Variants in ABCB4 observed in about 807,000 individuals in gnomAD.
ABCB4 encodes phosphatidylcholine translocator ABCB4.
Under a neutral mutation model 145.7 loss-of-function variants are expected in ABCB4, and 76 were observed. That is an observed-to-expected ratio of 0.52 (90% CI 0.43 to 0.63). The LOEUF (loss-of-function observed/expected upper bound fraction) is 0.63. ABCB4 is among the 30% of genes least tolerant of loss of function. The pLI is 0.00. For missense variants in ABCB4, 1,234 were observed against 1,553.1 expected (o/e 0.79, Z 3.45); for synonymous variants, 517 against 566.8 (o/e 0.91, Z 1.25).
chr7:87,458,195 G>C (rs1812223075), intron 4 of ABCB4, among the ~76,000 whole-genome samples: 1 of 152,128 alleles, frequency 6.6e-6, no homozygotes, highest in African/African-American at 2.4e-5. Flanking sequence ...GACTATTATA[G>C]TCACAGAGAC....
At chr7:87,453,437 G>A (rs763250414) in intron 5 of ABCB4, among the ~76,000 whole-genome samples, 8 of 152,040 alleles carry the variant, frequency 5.3e-5, no homozygotes, top group Admixed American at 2.0e-4. Context: ...GCTCACCTCC[G>A]CCTCCCAAAG....
chr7:87,439,728 T>G lies in ABCB4; in HGVS notation c.1670A>C (p.Asp557Ala). Residue 557 changes from aspartate (D) to alanine (A), a missense_variant, in exon 14 of 28, where the codon GAT becomes GCT. By Grantham distance (126) the Asp-to-Ala change is moderately radical. Transcript: ENST00000649586. ...LVRNPKILLL[D>A]EATSALDTES... The stretch of plus-strand genomic sequence containing the variant: ...TGTGTCCAATGCTGACGTGGCCTCA[T>G]CCAGCAGAAGGATCTTGGGGTTGCG... The G allele has an allele frequency of 6.2e-7, 1 of 1,614,148 alleles. No individual in the cohort carries two copies. The highest frequency in any genetic ancestry group is 8.5e-7 in the Non-Finnish European group (1 of 1,180,022).
In ABCB4 at chr7:87,403,129, A is replaced by G; in HGVS notation, c.3633+6T>C. On this transcript the variant is annotated splice_donor_region_variant and intron_variant, in intron 27 of 27. Coordinates refer to ENST00000649586, the MANE Select transcript of ABCB4 (RefSeq NM_000443.4). ...AATAAGACATAAGTTGGGAGGCCAC[A>G]CACACCTTTTCACTTTCAGTATCCA... 1.2e-6 allele frequency: 2 copies of G among 1,614,044 alleles called. No individual in the cohort carries two copies. The highest frequency in any genetic ancestry group is 1.7e-6 in the Non-Finnish European group (2 of 1,179,902).
intron 15 of ABCB4, among the ~76,000 whole-genome samples, chr7:87,428,879 G>C (rs1286889296): frequency 1.3e-5 from 2 of 152,160 alleles, no homozygotes; most frequent in Non-Finnish European, 2.9e-5. Context: ...GGCTTATGAT[G>C]ACTTTCAAGT....
chr7:87,398,907 C>T (rs1807650208), downstream of ABCB4: 5 of 348,440 alleles, frequency 1.4e-5, no homozygotes, highest in South Asian at 2.2e-4. Flanking sequence ...AGTATTTAAG[C>T]CTCAACAATC....
Position 87,432,552 on chromosome 7 carries a change from T to A in ABCB4, c.1732-987A>T, listed in dbSNP as rs189699825. Among the ~76,000 whole-genome samples, 10 of 152,334 alleles carry A rather than the reference T, an allele frequency of 6.6e-5. No homozygotes were observed. The East Asian group carries it at 1.9e-3, about 29-fold the overall frequency. On this transcript the variant is annotated intron_variant, in intron 14 of 27. Coordinates refer to ENST00000649586, the MANE Select transcript of ABCB4 (RefSeq NM_000443.4). ...AATATTGTTAGGCCATAAAATAGAATGCATTTTGATTCACATCACAACATA... is the reference window on the plus strand; with the variant it reads ...AATATTGTTAGGCCATAAAATAGAAAGCATTTTGATTCACATCACAACATA...
the ABCB4 span, among the ~76,000 whole-genome samples, chr7:87,395,124 C>T: frequency 6.6e-6 from 1 of 152,152 alleles, no homozygotes; most frequent in Non-Finnish European, 1.5e-5. Context: ...CAAGGTCCCA[C>T]AATAGGCCAG....
intron 3 of ABCB4, among the ~76,000 whole-genome samples, chr7:87,463,825 C>G (rs1327450563): frequency 6.6e-6 from 1 of 152,152 alleles, no homozygotes; most frequent in Non-Finnish European, 1.5e-5. Context: ...AAGAACTAAC[C>G]AGCAGTTCAG....
intron 12 of ABCB4, among the ~76,000 whole-genome samples, chr7:87,440,986 G>T (rs950040665): frequency 6.6e-6 from 1 of 152,128 alleles, no homozygotes; most frequent in Non-Finnish European, 1.5e-5. Flanking sequence ...GTGACCGCCC[G>T]CCTTGGCCTC....
chr7:87,475,033 C>T (rs1445447403), intron 2 of ABCB4, among the ~76,000 whole-genome samples: 1 of 152,124 alleles, frequency 6.6e-6, no homozygotes, highest in Non-Finnish European at 1.5e-5. Flanking sequence ...TAAGTCTGAA[C>T]AATCAGATGA....
At chr7:87,470,436 C>T (rs888824252) in intron 3 of ABCB4, among the ~76,000 whole-genome samples, 5 of 152,150 alleles carry the variant, frequency 3.3e-5, no homozygotes. Flanking sequence ...GAACTGGCAA[C>T]CTACAGAATG....
downstream of ABCB4, chr7:87,399,557 C>G (rs1304901153): frequency 2.0e-5 from 3 of 152,164 alleles, no homozygotes; most frequent in African/African-American, 7.2e-5. Flanking sequence ...CCCTCTATTA[C>G]ACACATAAAA....
At chr7:87,418,734 A>G (rs562582039) in intron 19 of ABCB4, 114 bp from the exon 20 acceptor site, 13 of 918,454 alleles carry the variant, frequency 1.4e-5, no homozygotes, top group Middle Eastern at 2.8e-4. Context: ...CCTCATATGC[A>G]GTGTAGAGTC....
chr7:87,468,653 G>A (rs542572983), intron 3 of ABCB4, among the ~76,000 whole-genome samples: 5 of 152,052 alleles, frequency 3.3e-5, no homozygotes, highest in African/African-American at 4.8e-5. Flanking sequence ...CTGGCAAACC[G>A]TGGGCGCGGT....
At chr7:87,392,650 T>C in the ABCB4 span, 17 of 1,612,390 alleles carry the variant, frequency 1.1e-5, no homozygotes, top group South Asian at 1.8e-4. Flanking sequence ...AAAAGGTACT[T>C]AAGTTAAAAT....
intron 8 of ABCB4, 132 bp from the exon 9 acceptor site, chr7:87,447,337 C>T: frequency 1.2e-6 from 1 of 838,408 alleles, no homozygotes; most frequent in Non-Finnish European, 1.9e-6. Context: ...TGGTGAGACC[C>T]AGATCTTTGG....
At chr7:87,399,937 CTGTGTT>C (rs910210139), downstream of ABCB4, 2 of 152,146 alleles carry the variant, frequency 1.3e-5, no homozygotes, top group African/African-American at 4.8e-5. Flanking sequence ...CTCATCTTGC[CTGTGTT>C]TATTTGTACA....
At chr7:87,473,759 A>G (rs1225361661) in intron 2 of ABCB4, among the ~76,000 whole-genome samples, 1 of 152,026 alleles carries the variant, frequency 6.6e-6, no homozygotes, top group African/African-American at 2.4e-5. Flanking sequence ...GATGATTTAT[A>G]TATATATGAT....
chr7:87,442,707 A>G (rs1811068740), intron 12 of ABCB4, among the ~76,000 whole-genome samples: 1 of 152,150 alleles, frequency 6.6e-6, no homozygotes, highest in African/African-American at 2.4e-5. Flanking sequence ...GTCAAAATAT[A>G]AACAATCTAA....
Sources: allele counts gnomAD v4.1 joint callset (sites outside exome capture counted in the v4.1 genomes callset), GRCh38; gene constraint gnomAD v4.1.1; transcripts MANE v1.5; gene names NCBI Gene and HGNC (gene_info 2026-07-23, HGNC 2026-07-21).